Variants in ADAMTSL1 observed in about 807,000 individuals in gnomAD.
The protein encoded by ADAMTSL1 is ADAMTS like 1, also known as ADAMTS-like protein 1.
ADAMTSL1 carries 126 observed loss-of-function variants against 201.8 expected under a neutral mutation model. The observed-to-expected ratio is 0.62, with a 90% CI of 0.54 to 0.72. The LOEUF is 0.72. Ranked by LOEUF, ADAMTSL1 falls within the 30% of genes least tolerant of loss-of-function variation. ADAMTSL1 has a pLI of 0.00. For missense variants in ADAMTSL1, 2,679 were observed against 2,277.8 expected (o/e 1.18, Z -3.59); for synonymous variants, 1,121 against 903.4 (o/e 1.24, Z -4.32).
At chr9:18,170,502 G>A (rs1289251726) in intron 2 of ADAMTSL1, among the ~76,000 whole-genome samples, 1 of 151,950 alleles carries the variant, frequency 6.6e-6, no homozygotes, top group African/African-American at 2.4e-5. Context: ...TCTGAAAGAG[G>A]TACAAAATGG....
In ADAMTSL1 at chr9:18,266,646, C is replaced by T. The variant is rs188702796; in HGVS notation, c.207+102665C>T. On this transcript the variant is annotated intron_variant, in intron 2 of 29. Coordinates refer to the ADAMTSL1 transcript ENST00000680146. ...ACAAATTCAAGTGTTTCTAAAGAGT[C>T]ACCCTCCGGAAGGATGGCGTGGTTC... Among the ~76,000 whole-genome samples, 349 of 152,216 alleles carry T rather than the reference C, an allele frequency of 2.3e-3. 1 individual carries two copies. Among genetic ancestry groups the T allele is most frequent in the African/African-American group, 8.0e-3 (331 of 41,530 alleles).
chr9:18,668,118 A>C (rs923835437), intron 9 of ADAMTSL1, among the ~76,000 whole-genome samples: 3 of 152,174 alleles, frequency 2.0e-5, no homozygotes, highest in Non-Finnish European at 2.9e-5. Flanking sequence ...TTAATTATGG[A>C]GGTCTTTAGT....
intron 1 of ADAMTSL1, among the ~76,000 whole-genome samples, chr9:18,019,244 A>G (rs1457752381): frequency 6.6e-6 from 1 of 152,074 alleles, no homozygotes; most frequent in African/African-American, 2.4e-5. Flanking sequence ...GATAACAGTA[A>G]AATGAGAGAA....
intron 14 of ADAMTSL1, among the ~76,000 whole-genome samples, chr9:18,712,949 A>G (rs1832704097): frequency 1.3e-5 from 2 of 151,090 alleles, no homozygotes; most frequent in Admixed American, 6.6e-5. Context: ...AATATTCAAC[A>G]TTCTTAAAGA....
At chr9:18,455,311 C>G (rs1350841466) in intron 2 of ADAMTSL1, among the ~76,000 whole-genome samples, 1 of 152,096 alleles carries the variant, frequency 6.6e-6, no homozygotes, top group Non-Finnish European at 1.5e-5. Context: ...ACAAATTGTT[C>G]ACTTTTCTCA....
intron 2 of ADAMTSL1, among the ~76,000 whole-genome samples, chr9:18,225,788 A>T (rs1208938656): frequency 1.3e-5 from 2 of 152,176 alleles, no homozygotes; most frequent in African/African-American, 4.8e-5. Flanking sequence ...ATGATCATTT[A>T]TGCAGTAATT....
intron 1 of ADAMTSL1, among the ~76,000 whole-genome samples, chr9:18,479,393 G>T (rs1214571930): frequency 1.3e-5 from 2 of 152,110 alleles, no homozygotes; most frequent in Non-Finnish European, 2.9e-5. Context: ...GTATCCACAA[G>T]CATTCTTTAT....
At chr9:18,111,954 G>C (rs1365331162) in intron 1 of ADAMTSL1, among the ~76,000 whole-genome samples, 1 of 152,116 alleles carries the variant, frequency 6.6e-6, no homozygotes, top group Non-Finnish European at 1.5e-5. Context: ...TTTTATATGT[G>C]ATAATTCACT....
intron 2 of ADAMTSL1, among the ~76,000 whole-genome samples, chr9:18,422,602 G>A (rs868043349): frequency 3.9e-5 from 6 of 152,088 alleles, no homozygotes; most frequent in South Asian, 4.1e-4. Flanking sequence ...GCATGCCTCC[G>A]TGTCCTTTTA....
chr9:18,538,553 G>C (rs937920126), intron 3 of ADAMTSL1, among the ~76,000 whole-genome samples: 7 of 152,154 alleles, frequency 4.6e-5, no homozygotes, highest in Admixed American at 3.9e-4. Flanking sequence ...TGCTAGTTTA[G>C]TAACTGGCAT....
At position 18,065,706 on chromosome 9, in the gene ADAMTSL1, C is replaced by T. The variant is rs367767316; in HGVS notation, c.88-98156C>T. On this transcript the variant is annotated intron_variant, in intron 1 of 29. Transcript: ENST00000680146. ...TTCTTAAGTGTTAGAAAGGGCCAGG[C>T]GCGGTGGCTCACGCCTGTAATCCCA... is the stretch of plus-strand genomic sequence containing the variant. Among the ~76,000 whole-genome samples, 247 of 152,228 alleles carry T rather than the reference C, an allele frequency of 1.6e-3. 7 individuals are homozygous for T. In the South Asian group the frequency reaches 0.05, roughly 31 times the overall value.
At chr9:18,137,480 C>G (rs548859512) in intron 1 of ADAMTSL1, among the ~76,000 whole-genome samples, 1 of 152,176 alleles carries the variant, frequency 6.6e-6, no homozygotes, top group African/African-American at 2.4e-5. Context: ...AGTCCAGGCT[C>G]CATTAGTCTC....
chr9:18,717,916 A>G (rs142066592), intron 14 of ADAMTSL1: 8 of 1,158,928 alleles, frequency 6.9e-6, no homozygotes, highest in Non-Finnish European at 6.5e-6. Flanking sequence ...TGTTGGCACT[A>G]TTGAATTGGA....
At chr9:18,227,685 C>G (rs187119841) in intron 2 of ADAMTSL1, among the ~76,000 whole-genome samples, 1 of 152,238 alleles carries the variant, frequency 6.6e-6, no homozygotes, top group East Asian at 1.9e-4. Context: ...TCCTTTCTGT[C>G]TATTGAAGAC....
chr9:18,407,653 A>C (rs979846772), intron 2 of ADAMTSL1, among the ~76,000 whole-genome samples: 1 of 152,240 alleles, frequency 6.6e-6, no homozygotes, highest in Admixed American at 6.5e-5. Context: ...TATCTACTAA[A>C]TTAAAAACTT....
chr9:17,970,828 A>G (rs1365353583), intron 1 of ADAMTSL1, among the ~76,000 whole-genome samples: 2 of 151,942 alleles, frequency 1.3e-5, no homozygotes, highest in Non-Finnish European at 2.9e-5. Flanking sequence ...AAAAATATTT[A>G]TGTCTTTTCC....
At chr9:18,213,883 G>C (rs1829970672) in intron 2 of ADAMTSL1, among the ~76,000 whole-genome samples, 1 of 151,940 alleles carries the variant, frequency 6.6e-6, no homozygotes. Context: ...GGGATTACAC[G>C]CCTGGCTTGC....
chr9:18,269,239 C>A (rs1424798866), intron 2 of ADAMTSL1, among the ~76,000 whole-genome samples: 3 of 152,030 alleles, frequency 2.0e-5, no homozygotes, highest in African/African-American at 7.2e-5. Context: ...CATTTCTCTC[C>A]AGCTATACAG....
intron 2 of ADAMTSL1, among the ~76,000 whole-genome samples, chr9:18,182,985 T>TA (rs1485077948): frequency 3.9e-5 from 6 of 152,300 alleles, no homozygotes; most frequent in Admixed American, 3.9e-4. Flanking sequence ...AATAAGGTGT[T>TA]ACTGGGTTCA....
Sources: gnomAD v4.1 joint callset for allele counts (sites outside exome capture counted in the v4.1 genomes callset) on GRCh38, gnomAD v4.1.1 for gene constraint, MANE v1.5 for transcripts, NCBI Gene and HGNC (gene_info 2026-07-23, HGNC 2026-07-21) for gene names.